Variants in UBE2K observed in about 807,000 individuals in gnomAD.
UBE2K encodes the protein ubiquitin conjugating enzyme E2 K.
In UBE2K, 6 loss-of-function variants were observed where a neutral mutation model predicts 30.0. The ratio of observed to expected loss-of-function variants is 0.20; its 90% CI spans 0.11 to 0.39. The LOEUF (loss-of-function observed/expected upper bound fraction) is 0.39. Among genes scored for constraint, UBE2K ranks in the 10% least tolerant of loss-of-function variants. The pLI, the probability that UBE2K is intolerant of heterozygous loss-of-function variation, is 1.00. For synonymous variants in UBE2K, 86 were observed against 83.7 expected, an observed-to-expected ratio of 1.03 and a Z score of -0.15; for missense variants, 61 against 241.6, an observed-to-expected ratio of 0.25 and a Z score of 4.96.
At chr4:39,698,981 T>G (rs1717859464) in intron 1 of UBE2K, among the ~76,000 whole-genome samples, 1 of 152,192 alleles carries the variant, frequency 6.6e-6, no homozygotes, top group Non-Finnish European at 1.5e-5. Context: ...AATACTGTCT[T>G]ATTTGGTGGC....
intron 1 of UBE2K, among the ~76,000 whole-genome samples, chr4:39,707,490 G>T (rs934071358): frequency 6.0e-5 from 9 of 148,804 alleles, no homozygotes; most frequent in African/African-American, 9.9e-5. Flanking sequence ...ATGAGCCGTC[G>T]TGCCTGGCCT....
chr4:39,716,929 C>T (rs1387123797), intron 1 of UBE2K, among the ~76,000 whole-genome samples: 11 of 130,542 alleles, frequency 8.4e-5, no homozygotes, highest in East Asian at 2.6e-4. Flanking sequence ...ACCCGGGAGG[C>T]GGAGGTTGCT....
intron 4 of UBE2K, chr4:39,761,225 T>C (rs1711921813): frequency 6.6e-6 from 1 of 152,230 alleles, no homozygotes; most frequent in South Asian, 2.1e-4. Flanking sequence ...ACTCCTGTGC[T>C]AGTCAATAGT....
intron 2 of UBE2K, among the ~76,000 whole-genome samples, 176 bp downstream of exon 2, chr4:39,737,689 C>G (rs1720451564): frequency 1.3e-5 from 2 of 152,188 alleles, no homozygotes; most frequent in African/African-American, 4.8e-5. Flanking sequence ...GTATTTCTTA[C>G]TGAATTTTAG....
At chr4:39,762,515 A>G (rs1338404518) in intron 4 of UBE2K, among the ~76,000 whole-genome samples, 2 of 152,214 alleles carry the variant, frequency 1.3e-5, no homozygotes, top group Non-Finnish European at 2.9e-5. Flanking sequence ...ACATCAGCTC[A>G]ATTTCTGGTG....
intron 1 of UBE2K, among the ~76,000 whole-genome samples, chr4:39,723,647 C>T (rs556205036): frequency 1.3e-5 from 2 of 152,240 alleles, no homozygotes; most frequent in African/African-American, 2.4e-5. Flanking sequence ...GGATTACAGG[C>T]GTGAGCCACT....
chr4:39,707,352 G>A (rs1176128506), intron 1 of UBE2K, among the ~76,000 whole-genome samples: 1 of 151,542 alleles, frequency 6.6e-6, no homozygotes, highest in Non-Finnish European at 1.5e-5. Flanking sequence ...GATTACAGGC[G>A]CATGCCACCA....
At chr4:39,707,489 C>T (rs922612277) in intron 1 of UBE2K, among the ~76,000 whole-genome samples, 27 of 151,402 alleles carry the variant, frequency 1.8e-4, no homozygotes, top group African/African-American at 5.1e-4. Flanking sequence ...CATGAGCCGT[C>T]GTGCCTGGCC....
At position 39,770,680 on chromosome 4, in the gene UBE2K, T is replaced by G. The variant is rs1578504806; in HGVS notation, c.300-4154T>G. 1.9e-6 allele frequency: 3 copies of G among 1,578,848 alleles called. No individual in the cohort carries two copies. In the East Asian group the frequency reaches 6.7e-5, roughly 35 times the overall value. ...ACCACACCCTGCGGTGGGGCCACAGTGCTGGGGGGCACGCTGCTCTGGGCC... is the reference window on the plus strand; with the variant it reads ...ACCACACCCTGCGGTGGGGCCACAGGGCTGGGGGGCACGCTGCTCTGGGCC... On this transcript the variant is annotated intron_variant, in intron 4 of 6. Coordinates refer to ENST00000261427, the MANE Select transcript of UBE2K (RefSeq NM_005339.5).
chr4:39,710,476 C>G (rs187756975), intron 1 of UBE2K, among the ~76,000 whole-genome samples: 5 of 151,728 alleles, frequency 3.3e-5, no homozygotes, highest in Admixed American at 2.6e-4. Context: ...ACTATATTGC[C>G]CAAGCTGGTG....
intron 3 of UBE2K, 70 bp downstream of exon 3, chr4:39,745,880 T>A: frequency 8.5e-7 from 1 of 1,183,224 alleles, no homozygotes; most frequent in South Asian, 1.5e-5. Context: ...TTTATTAATA[T>A]ATATTTTAGG....
chr4:39,718,873 C>G (rs1578431843), intron 1 of UBE2K, among the ~76,000 whole-genome samples: 2 of 152,372 alleles, frequency 1.3e-5, no homozygotes, highest in African/African-American at 4.8e-5. Context: ...CGGTTCCCAC[C>G]CGTGCCTCTC....
intron 1 of UBE2K, among the ~76,000 whole-genome samples, chr4:39,726,083 C>T (rs796940845): frequency 1.6e-4 from 24 of 152,272 alleles, no homozygotes; most frequent in African/African-American, 5.8e-4. Context: ...TCCTTCCTTG[C>T]CTCTTCCTAG....
At chr4:39,722,687 A>T (rs1017119843) in intron 1 of UBE2K, among the ~76,000 whole-genome samples, 12 of 148,572 alleles carry the variant, frequency 8.1e-5, no homozygotes, top group African/African-American at 3.0e-4. Flanking sequence ...AGACGTGGGG[A>T]GAACATGGCA....
At chr4:39,710,842 G>A (rs866493534) in intron 1 of UBE2K, among the ~76,000 whole-genome samples, 6 of 152,018 alleles carry the variant, frequency 3.9e-5, no homozygotes, top group South Asian at 4.1e-4. Flanking sequence ...AAAGTAATAC[G>A]TGAACATCTT....
chr4:39,721,204 T>C (rs2109327228), intron 1 of UBE2K, among the ~76,000 whole-genome samples: 1 of 152,278 alleles, frequency 6.6e-6, no homozygotes, highest in South Asian at 2.1e-4. Flanking sequence ...AGAGTTTCTT[T>C]AGTAGGGAAG....
At chr4:39,747,147 T>C (rs371735680) in intron 3 of UBE2K, among the ~76,000 whole-genome samples, 1 of 152,240 alleles carries the variant, frequency 6.6e-6, no homozygotes, top group Admixed American at 6.5e-5. Context: ...GTCTATTGTT[T>C]ATGTACATCT....
chr4:39,778,007 A>G (rs1388167465), intron 6 of UBE2K, among the ~76,000 whole-genome samples, 197 bp downstream of exon 6: 2 of 146,334 alleles, frequency 1.4e-5, no homozygotes, highest in Non-Finnish European at 3.0e-5. Flanking sequence ...CTGAGGTGAG[A>G]GAATCCCTTG....
At chr4:39,771,258 G>C in intron 4 of UBE2K, 1 of 1,611,894 alleles carries the variant, frequency 6.2e-7, no homozygotes, top group Non-Finnish European at 8.5e-7. Context: ...GCAGGAACTG[G>C]TCCCGCAGGA....
Sources: allele counts gnomAD v4.1 joint callset (sites outside exome capture counted in the v4.1 genomes callset), GRCh38; gene constraint gnomAD v4.1.1; transcripts MANE v1.5; gene names NCBI Gene and HGNC (gene_info 2026-07-23, HGNC 2026-07-21).